The following CNTN5 variants were observed in gnomAD, a reference collection of about 807,000 sequenced individuals.
The protein encoded by CNTN5 is contactin-5.
In CNTN5, 77 loss-of-function variants were observed where a neutral mutation model predicts 129.1. The ratio of observed to expected loss-of-function variants is 0.60; its 90% CI spans 0.50 to 0.72. The LOEUF (loss-of-function observed/expected upper bound fraction) is 0.72. CNTN5 is among the 30% of genes least tolerant of loss of function. CNTN5 has a pLI of 0.00. For synonymous variants in CNTN5, 509 were observed against 465.6 expected (o/e 1.09, Z -1.20); for missense variants, 1,478 against 1,328.8 (o/e 1.11, Z -1.75).
At chr11:99,697,574 CAA>C (rs1416926388) in intron 3 of CNTN5, among the ~76,000 whole-genome samples, 1 of 150,938 alleles carries the variant, frequency 6.6e-6, no homozygotes, top group African/African-American at 2.4e-5. Context: ...CTGTCACAGA[CAA>C]GAGGATCCTA....
chr11:99,527,307 G>A (rs940211862), intron 2 of CNTN5, among the ~76,000 whole-genome samples: 1 of 152,082 alleles, frequency 6.6e-6, no homozygotes, highest in Non-Finnish European at 1.5e-5. Context: ...TTGACCTTAT[G>A]TTCCCTTCAA....
At chr11:100,220,842 T>G (rs1185823967) in intron 15 of CNTN5, among the ~76,000 whole-genome samples, 1 of 152,210 alleles carries the variant, frequency 6.6e-6, no homozygotes, top group East Asian at 1.9e-4. Context: ...TTTTTTCCAC[T>G]GTCTTTTTCC....
intron 3 of CNTN5, among the ~76,000 whole-genome samples, chr11:99,644,161 CTG>C (rs1238719611): frequency 1.1e-5 from 1 of 92,678 alleles, no homozygotes; most frequent in East Asian, 2.7e-4. Flanking sequence ...CCAAAAAAGA[CTG>C]TCTCTAGCGT....
At chr11:99,588,763 A>T (rs1949887189) in intron 3 of CNTN5, among the ~76,000 whole-genome samples, 1 of 152,296 alleles carries the variant, frequency 6.6e-6, no homozygotes, top group African/African-American at 2.4e-5. Context: ...GATGGTGGCA[A>T]CCGTGTCAAT....
chr11:99,620,712 T>TC (rs200177514), intron 3 of CNTN5, among the ~76,000 whole-genome samples: 5,968 of 151,152 alleles, frequency 0.039, 153 homozygotes, highest in South Asian at 0.082. Context: ...AGGCCCCCGC[T>TC]CCCCCCCGGC....
chr11:100,259,120 A>T (rs1458619124), intron 17 of CNTN5, among the ~76,000 whole-genome samples: 1 of 152,088 alleles, frequency 6.6e-6, no homozygotes, highest in Middle Eastern at 3.2e-3. Context: ...GCAAATGAAG[A>T]GCAAAAAAAA....
intron 3 of CNTN5, among the ~76,000 whole-genome samples, chr11:99,774,149 A>C (rs990708780): frequency 1.3e-5 from 2 of 151,960 alleles, no homozygotes; most frequent in South Asian, 4.1e-4. Context: ...AACCACCCCT[A>C]TAACATTATG....
rs1952583203 is a variant in CNTN5 at position 100,358,845 on chromosome 11, T to C, written c.*2625T>C. 1 of 151,920 alleles carries C rather than the reference T, an allele frequency of 6.6e-6. No homozygotes were observed. The highest frequency in any genetic ancestry group is 1.5e-5 in the Non-Finnish European group (1 of 67,862). The allele number at this position is 151,920 out of a possible 1,614,324, so 9.4% of individuals were successfully genotyped here. Reference sequence around the variant, plus strand: ...GTTCTGTGTACTGTTCTTGTAACATTAGATCTTTTTAATAAATAATTCTCT... The same window carrying C: ...GTTCTGTGTACTGTTCTTGTAACATCAGATCTTTTTAATAAATAATTCTCT... On this transcript the variant is annotated 3_prime_UTR_variant, in exon 25 of 25. Transcript: ENST00000524871.
At position 99,532,834 on chromosome 11, in the gene CNTN5, T is replaced by A. The variant is rs1023026473; in HGVS notation, c.-70-23311T>A. On this transcript the variant is annotated intron_variant, in intron 2 of 24. Transcript: ENST00000524871. Reference sequence around the variant, plus strand: ...CTTTTTCCTCCCAGTCTCCAGTATGTCTTTATCAGCAGTGTGAAAATGGAC... The same window carrying A: ...CTTTTTCCTCCCAGTCTCCAGTATGACTTTATCAGCAGTGTGAAAATGGAC... 5.9e-5 allele frequency among the ~76,000 whole-genome samples: 9 copies of A among 152,242 alleles called. 1 individual carries two copies. Among genetic ancestry groups the A allele is most frequent in the African/African-American group, 2.2e-4 (9 of 41,468 alleles).
intron 2 of CNTN5, among the ~76,000 whole-genome samples, chr11:99,436,029 G>A (rs1943586573): frequency 6.6e-6 from 1 of 152,156 alleles, no homozygotes; most frequent in African/African-American, 2.4e-5. Flanking sequence ...AGGTTGAAAT[G>A]TTCTCTAAGT....
At chr11:99,088,183 T>G (rs905730738) in intron 1 of CNTN5, among the ~76,000 whole-genome samples, 5 of 152,122 alleles carry the variant, frequency 3.3e-5, no homozygotes, top group Non-Finnish European at 5.9e-5. Context: ...TGGAGGTCAG[T>G]GTCTTTTTTC....
intron 9 of CNTN5, among the ~76,000 whole-genome samples, chr11:100,002,370 C>T (rs1451026827): frequency 6.6e-6 from 1 of 152,052 alleles, no homozygotes; most frequent in Non-Finnish European, 1.5e-5. Flanking sequence ...AAAAAAACTT[C>T]TTTAATGAAT....
At chr11:99,288,840 C>T (rs1181006892) in intron 1 of CNTN5, among the ~76,000 whole-genome samples, 1 of 151,744 alleles carries the variant, frequency 6.6e-6, no homozygotes. Flanking sequence ...ATTTAAAAAG[C>T]TAATACATCT....
intron 3 of CNTN5, among the ~76,000 whole-genome samples, chr11:99,787,895 A>T (rs971625102): frequency 6.6e-5 from 10 of 151,936 alleles, no homozygotes; most frequent in African/African-American, 2.4e-4. Flanking sequence ...CCATATACGG[A>T]TCTGATTCCA....
chr11:99,531,304 G>A (rs574648674), intron 2 of CNTN5, among the ~76,000 whole-genome samples: 11 of 152,140 alleles, frequency 7.2e-5, no homozygotes, highest in Admixed American at 3.9e-4. Context: ...GGTTTCTGGC[G>A]GAAGAACTTT....
intron 2 of CNTN5, among the ~76,000 whole-genome samples, chr11:99,332,087 G>T (rs1866023675): frequency 6.6e-6 from 1 of 152,052 alleles, no homozygotes. Context: ...GGGGTGATTT[G>T]TTATATAGCA....
intron 3 of CNTN5, among the ~76,000 whole-genome samples, chr11:99,707,654 A>G (rs962986187): frequency 1.3e-5 from 2 of 151,646 alleles, no homozygotes; most frequent in African/African-American, 4.8e-5. Context: ...GTTGTCTTCA[A>G]TTTGAAAGCT....
intron 1 of CNTN5, among the ~76,000 whole-genome samples, chr11:99,182,599 T>C (rs1858133023): frequency 6.6e-6 from 1 of 152,174 alleles, no homozygotes; most frequent in Admixed American, 6.5e-5. Flanking sequence ...GCCAGATGTC[T>C]AGAGTCCCTC....
intron 3 of CNTN5, among the ~76,000 whole-genome samples, chr11:99,618,643 C>G (rs655883): frequency 0.61 from 92,694 of 151,992 alleles, 28,348 homozygotes; most frequent in East Asian, 0.74. Flanking sequence ...ATGATTAAGC[C>G]TGTCATCAGT....
Sources: allele counts gnomAD v4.1 joint callset (sites outside exome capture counted in the v4.1 genomes callset), GRCh38; gene constraint gnomAD v4.1.1; transcripts MANE v1.5; gene names NCBI Gene and HGNC (gene_info 2026-07-23, HGNC 2026-07-21).